XYLB: variants seen among roughly 807,000 people sequenced by gnomAD.
The protein encoded by XYLB is xylulokinase, also known as xylulose kinase.
XYLB carries 62 observed loss-of-function variants against 78.7 expected under a neutral mutation model. The observed-to-expected ratio is 0.79, with a 90% CI of 0.64 to 0.97. XYLB has a LOEUF of 0.97. Among genes scored for constraint, XYLB ranks in the 50% least tolerant of loss-of-function variants. XYLB has a pLI of 0.00. For missense variants in XYLB, 687 were observed against 676.8 expected (o/e 1.02, Z -0.17); for synonymous variants, 245 against 247.4 (o/e 0.99, Z 0.09).
rs2234607 is a variant in XYLB at position 38,365,299 on chromosome 3, C to T, written c.378+14C>T. On this transcript the variant is annotated intron_variant, in intron 5 of 18. Transcript: ENST00000207870. ...CAGCAGCTGCAGGTAACTGTGGCTACGTTGTGTGAGTGTGAGAAACTTCTG... is the reference window on the plus strand; with the variant it reads ...CAGCAGCTGCAGGTAACTGTGGCTATGTTGTGTGAGTGTGAGAAACTTCTG... 863 of 1,613,658 alleles carry T rather than the reference C, an allele frequency of 5.3e-4. 2 individuals are homozygous for T. The highest frequency in any genetic ancestry group is 1.8e-3 in the South Asian group (168 of 91,072).
At chr3:38,349,413 C>T (rs1262916071) in intron 2 of XYLB, among the ~76,000 whole-genome samples, 1 of 152,144 alleles carries the variant, frequency 6.6e-6, no homozygotes, top group African/African-American at 2.4e-5. Context: ...TTGAAAATAT[C>T]TCTCTGGGGG....
downstream of XYLB, among the ~76,000 whole-genome samples, chr3:38,423,135 C>T (rs924815994): frequency 7.2e-5 from 11 of 152,098 alleles, no homozygotes; most frequent in African/African-American, 9.7e-5. Context: ...TGCAGTGGTG[C>T]GATCTTGGCT....
At chr3:38,350,685 A>C (rs758583200) in intron 2 of XYLB, among the ~76,000 whole-genome samples, 3 of 152,046 alleles carry the variant, frequency 2.0e-5, no homozygotes, top group Non-Finnish European at 2.9e-5. Context: ...CTTCTTTTCT[A>C]ATATATGCAT....
At chr3:38,375,400 AC>A in intron 12 of XYLB, 141 bp downstream of exon 12, 1 of 701,948 alleles carries the variant, frequency 1.4e-6, no homozygotes, top group Admixed American at 2.5e-5. Flanking sequence ...GGCAACTGAG[AC>A]CCCCAAGGAC....
At chr3:38,444,572 G>A in the XYLB span, among the ~76,000 whole-genome samples, 1 of 152,162 alleles carries the variant, frequency 6.6e-6, no homozygotes, top group East Asian at 1.9e-4. Flanking sequence ...CTGCAGGATA[G>A]TATTGTAATT....
downstream of XYLB, among the ~76,000 whole-genome samples, chr3:38,417,559 T>C (rs190151161): frequency 4.1e-4 from 62 of 152,244 alleles, 3 homozygotes; most frequent in South Asian, 0.012. Flanking sequence ...CAACTTTCTA[T>C]GGGCAACAAG....
At chr3:38,432,965 G>A in the XYLB span, among the ~76,000 whole-genome samples, 1 of 152,234 alleles carries the variant, frequency 6.6e-6, no homozygotes, top group African/African-American at 2.4e-5. Flanking sequence ...TGCCCCAGTG[G>A]GAACTCTCTG....
At chr3:38,412,576 A>T (rs942934978) in intron 18 of XYLB, among the ~76,000 whole-genome samples, 4 of 152,174 alleles carry the variant, frequency 2.6e-5, no homozygotes, top group Non-Finnish European at 4.4e-5. Flanking sequence ...GTCCCATACT[A>T]TGGGCTCCTT....
At chr3:38,408,049 A>C (rs1262035509) in intron 18 of XYLB, among the ~76,000 whole-genome samples, 1 of 152,026 alleles carries the variant, frequency 6.6e-6, no homozygotes, top group African/African-American at 2.4e-5. Context: ...AGACATCTAC[A>C]GAACTCTCCA....
chr3:38,370,032 T>G, intron 8 of XYLB, 24 bp from the exon 9 acceptor site: 4 of 1,592,694 alleles, frequency 2.5e-6, no homozygotes, highest in Non-Finnish European at 3.4e-6. Flanking sequence ...AGATTGTCTG[T>G]TGTTTGTTTC....
intron 15 of XYLB, among the ~76,000 whole-genome samples, chr3:38,383,845 G>T (rs1460600972): frequency 1.3e-5 from 2 of 152,044 alleles, no homozygotes; most frequent in Admixed American, 1.3e-4. Flanking sequence ...CCAACCACTG[G>T]TATCATTTAG....
At chr3:38,421,714 G>C (rs1055496847), downstream of XYLB, among the ~76,000 whole-genome samples, 5 of 152,306 alleles carry the variant, frequency 3.3e-5, no homozygotes, top group South Asian at 8.3e-4. Flanking sequence ...GGAAGAAGGA[G>C]AGTCTAACGA....
chr3:38,396,841 A>G (rs776090450), intron 16 of XYLB, among the ~76,000 whole-genome samples: 1 of 152,172 alleles, frequency 6.6e-6, no homozygotes, highest in African/African-American at 2.4e-5. Flanking sequence ...GCTAAAAAGT[A>G]CAGGGACAGC....
At chr3:38,356,869 C>A (rs1454180296) in intron 2 of XYLB, 1 of 152,112 alleles carries the variant, frequency 6.6e-6, no homozygotes, top group Non-Finnish European at 1.5e-5. Context: ...GGAAGCCTAC[C>A]CTCATCATGA....
the XYLB span, among the ~76,000 whole-genome samples, chr3:38,447,684 C>A: frequency 1.3e-5 from 2 of 151,918 alleles, no homozygotes; most frequent in Admixed American, 1.3e-4. Context: ...GGAAAACAAC[C>A]GTATAGAGAG....
At chr3:38,442,720 A>ATT in the XYLB span, among the ~76,000 whole-genome samples, 5,672 of 99,004 alleles carry the variant, frequency 0.057, 568 homozygotes, top group African/African-American at 0.16. Context: ...GGACTGCTGC[A>ATT]TTTTTTTTTT....
intron 12 of XYLB, 147 bp from the exon 13 acceptor site, chr3:38,375,970 C>T (rs1454739517): frequency 3.0e-6 from 2 of 665,088 alleles, no homozygotes; most frequent in Non-Finnish European, 5.4e-6. Flanking sequence ...GCCTCCGATA[C>T]CTAAGTTTCA....
intron 9 of XYLB, 180 bp downstream of exon 9, chr3:38,370,354 G>C (rs1019178972): frequency 6.9e-6 from 4 of 583,402 alleles, no homozygotes; most frequent in Non-Finnish European, 9.2e-6. Flanking sequence ...TCAGTGTCTG[G>C]ATCAGTGCCT....
intron 15 of XYLB, among the ~76,000 whole-genome samples, chr3:38,384,520 C>G (rs927459519): frequency 1.3e-5 from 2 of 152,200 alleles, no homozygotes; most frequent in African/African-American, 4.8e-5. Context: ...GGCTGAATGT[C>G]TTCTTCTGGA....
Sources: allele counts gnomAD v4.1 joint callset (sites outside exome capture counted in the v4.1 genomes callset), GRCh38; gene constraint gnomAD v4.1.1; transcripts MANE v1.5; gene names NCBI Gene and HGNC (gene_info 2026-07-23, HGNC 2026-07-21).